Variants in NAALADL2 observed in about 807,000 individuals in gnomAD.
NAALADL2 encodes inactive N-acetylated-alpha-linked acidic dipeptidase-like protein 2.
A neutral mutation model predicts 87.2 loss-of-function variants in NAALADL2; 76 were observed. The observed-to-expected ratio is 0.87, with a 90% CI of 0.72 to 1.05. The LOEUF is 1.05. NAALADL2 is among the 50% of genes least tolerant of loss of function. The pLI is 0.00. For synonymous variants in NAALADL2, 354 were observed against 331.0 expected (o/e 1.07, Z -0.75); for missense variants, 1,089 against 945.8 (o/e 1.15, Z -1.99).
Position 174,837,350 on chromosome 3 carries a change from G to A in NAALADL2, c.-9+99604G>A, listed in dbSNP as rs111571413. On this transcript the variant is annotated intron_variant, in intron 3 of 3. Transcript: ENST00000434257. The stretch of plus-strand genomic sequence containing the variant: ...CACAGAAATACAAAAGATCGTTCAA[G>A]GCTACTGTGAACACCTTTATGCACA... Among the ~76,000 whole-genome samples the A allele has an allele frequency of 7.1e-3, 1,074 of 152,278 alleles. 12 individuals carry two copies. Among genetic ancestry groups the A allele is most frequent in the African/African-American group, 0.024 (1,011 of 41,538 alleles).
chr3:175,135,458 G>A (rs1011644994), intron 2 of NAALADL2, among the ~76,000 whole-genome samples: 1 of 152,052 alleles, frequency 6.6e-6, no homozygotes, highest in Admixed American at 6.5e-5. Flanking sequence ...TAGAGTAAGC[G>A]TGTGTAAATA....
intron 5 of NAALADL2, among the ~76,000 whole-genome samples, chr3:175,410,004 A>G (rs1295494479): frequency 6.6e-6 from 1 of 152,128 alleles, no homozygotes; most frequent in Non-Finnish European, 1.5e-5. Flanking sequence ...AAGACAAGTG[A>G]CTAAATAACC....
intron 3 of NAALADL2, among the ~76,000 whole-genome samples, chr3:174,847,996 C>A (rs9855962): frequency 0.081 from 12,036 of 147,838 alleles, 559 homozygotes; most frequent in Non-Finnish European, 0.11. Flanking sequence ...TATTCTAACT[C>A]TTTTCTCTCT....
chr3:174,920,413 T>A (rs372838499), intron 1 of NAALADL2, among the ~76,000 whole-genome samples: 4 of 152,242 alleles, frequency 2.6e-5, no homozygotes, highest in East Asian at 1.9e-4. Context: ...TTCTATGTTA[T>A]AGCGATGGTT....
intron 1 of NAALADL2, among the ~76,000 whole-genome samples, chr3:174,503,990 T>G (rs1322430683): frequency 6.6e-6 from 1 of 152,170 alleles, no homozygotes; most frequent in East Asian, 1.9e-4. Flanking sequence ...GATGTATGGT[T>G]AATTTCATTT....
chr3:175,640,862 GTTTAA>G (rs1262761301), intron 11 of NAALADL2, among the ~76,000 whole-genome samples: 1 of 152,046 alleles, frequency 6.6e-6, no homozygotes. Flanking sequence ...TTACAATATG[GTTTAA>G]TTTATGTCCC....
In NAALADL2 at chr3:174,814,261, G is replaced by T. The variant is rs549222417; in HGVS notation, c.-9+76515G>T. Among the ~76,000 whole-genome samples, 5 of 151,794 alleles carry T rather than the reference G, an allele frequency of 3.3e-5. No homozygotes were observed. In the South Asian group the frequency reaches 1.0e-3, roughly 32 times the overall value. On this transcript the variant is annotated intron_variant, in intron 3 of 3. Coordinates refer to the NAALADL2 transcript ENST00000434257. Reference sequence around the variant, plus strand: ...GTAGCTGAGACTACAGGTGCCTACCGCCACGCCTGGCTAATTTTTGTATTT... The same window carrying T: ...GTAGCTGAGACTACAGGTGCCTACCTCCACGCCTGGCTAATTTTTGTATTT...
intron 1 of NAALADL2, among the ~76,000 whole-genome samples, chr3:175,088,026 C>T (rs901051624): frequency 1.3e-5 from 2 of 151,732 alleles, no homozygotes; most frequent in Non-Finnish European, 2.9e-5. Flanking sequence ...TACTGTATTC[C>T]TACTACATAG....
At chr3:174,940,068 A>G (rs1010466080) in intron 1 of NAALADL2, among the ~76,000 whole-genome samples, 1 of 152,086 alleles carries the variant, frequency 6.6e-6, no homozygotes, top group South Asian at 2.1e-4. Flanking sequence ...GAGAGAGGAC[A>G]TCCTGTCTTG....
At chr3:175,538,270 A>G (rs1189445351) in intron 9 of NAALADL2, among the ~76,000 whole-genome samples, 4 of 152,110 alleles carry the variant, frequency 2.6e-5, no homozygotes, top group African/African-American at 9.7e-5. Context: ...ACTTTAATGT[A>G]TACCTTTTAA....
intron 11 of NAALADL2, among the ~76,000 whole-genome samples, chr3:175,638,054 G>A (rs956839749): frequency 2.0e-5 from 3 of 152,136 alleles, no homozygotes; most frequent in African/African-American, 7.2e-5. Context: ...GATAATTTAA[G>A]AATATGTGAC....
intron 2 of NAALADL2, among the ~76,000 whole-genome samples, chr3:175,106,974 C>T (rs564222433): frequency 6.6e-6 from 1 of 152,038 alleles, no homozygotes; most frequent in South Asian, 2.1e-4. Flanking sequence ...ATATTTCTAG[C>T]TAACGAGAGA....
intron 2 of NAALADL2, among the ~76,000 whole-genome samples, chr3:174,570,172 A>T (rs1362945095): frequency 1.3e-5 from 2 of 151,422 alleles, no homozygotes; most frequent in South Asian, 2.1e-4. Context: ...GTTTTTTTGT[A>T]TCTCTGTTCC....
chr3:175,311,762 T>C (rs1758399148), intron 4 of NAALADL2, among the ~76,000 whole-genome samples: 2 of 151,038 alleles, frequency 1.3e-5, no homozygotes, highest in African/African-American at 4.9e-5. Context: ...TCCTGAATTA[T>C]GATAAAAGCT....
At chr3:175,275,160 G>A (rs7627070) in intron 4 of NAALADL2, among the ~76,000 whole-genome samples, 62,692 of 151,954 alleles carry the variant, frequency 0.41, 13,111 homozygotes, top group Non-Finnish European at 0.44. Flanking sequence ...GAGTACAATG[G>A]GGGGTAGAAA....
chr3:174,984,208 A>G (rs749312686), intron 1 of NAALADL2, among the ~76,000 whole-genome samples: 1 of 152,242 alleles, frequency 6.6e-6, no homozygotes, highest in Non-Finnish European at 1.5e-5. Context: ...GTCTAAAACC[A>G]TGTATATTAA....
intron 1 of NAALADL2, among the ~76,000 whole-genome samples, chr3:174,916,279 T>C (rs919240931): frequency 3.9e-5 from 6 of 152,110 alleles, no homozygotes; most frequent in Non-Finnish European, 8.8e-5. Context: ...TGTAAATTAG[T>C]ACAACCACTG....
chr3:175,591,600 C>A (rs2149604794), intron 10 of NAALADL2, among the ~76,000 whole-genome samples: 1 of 151,988 alleles, frequency 6.6e-6, no homozygotes, highest in Admixed American at 6.6e-5. Context: ...TTAGAACATC[C>A]AGGCATGAGT....
intron 5 of NAALADL2, among the ~76,000 whole-genome samples, chr3:175,390,591 G>A (rs963157974): frequency 1.3e-5 from 2 of 152,182 alleles, no homozygotes; most frequent in Non-Finnish European, 2.9e-5. Flanking sequence ...AAGTGAAGGA[G>A]AGGAAATGTG....
Sources: allele counts gnomAD v4.1 joint callset (sites outside exome capture counted in the v4.1 genomes callset), GRCh38; gene constraint gnomAD v4.1.1; transcripts MANE v1.5; gene names NCBI Gene and HGNC (gene_info 2026-07-23, HGNC 2026-07-21).